Variants in PNMA6E observed in about 807,000 individuals in gnomAD.
PNMA6E encodes the protein PNMA family member 6E, also known as paraneoplastic antigen Ma6E.
For missense variants in PNMA6E, 78 were observed against 50.8 expected, an observed-to-expected ratio of 1.53 and a Z score of -1.63; for synonymous variants, 43 against 17.1, an observed-to-expected ratio of 2.52 and a Z score of -3.74.
At chrX:153,401,148 C>CA (rs2088848984) in intron 1 of PNMA6E, 96 bp downstream of exon 1, 1 of 106,975 alleles carries the variant, frequency 9.3e-6, no homozygotes, top group Non-Finnish European at 1.9e-5. Flanking sequence ...ACCGCCTGCC[C>CA]CCCCCCCACA....
At chrX:153,411,492 T>C in the PNMA6E span, among the ~76,000 whole-genome samples, 4 of 111,226 alleles carry the variant, frequency 3.6e-5, no homozygotes, top group Non-Finnish European at 5.7e-5. Flanking sequence ...GGCCCGCTCG[T>C]CGGCGCACCA....
chrX:153,401,773 T>C (rs1556971411), upstream of PNMA6E, among the ~76,000 whole-genome samples: 1 of 111,573 alleles, frequency 9.0e-6, no homozygotes, highest in East Asian at 2.8e-4. Flanking sequence ...ATTTGGTTTT[T>C]GTTTTGTTTT....
rs145634723 is a variant in PNMA6E at position 153,396,566 on chromosome X, C to T, written c.*340G>A. 0.048 allele frequency: 6,143 copies of T among 127,452 alleles called. 158 individuals are homozygous for T. Among genetic ancestry groups the T allele is most frequent in the Non-Finnish European group, 0.073 (4,608 of 63,385 alleles). The allele number at this position is 127,452 out of a possible 1,213,427, so 10.5% of individuals were successfully genotyped here. ...TCCCCCTGTCTCTCCCAACTCACGG[C>T]CTGGGTTGGGGGCAGACATCTTCAG... On this transcript the variant is annotated 3_prime_UTR_variant, in exon 2 of 2. Transcript: ENST00000445091.
chrX:153,396,653 G>A lies in PNMA6E; in HGVS notation c.*253C>T, dbSNP rs936405229. On this transcript the variant is annotated 3_prime_UTR_variant, in exon 2 of 2. Coordinates refer to ENST00000445091, the MANE Select transcript of PNMA6E (RefSeq NM_001367770.1). ...TCCCTCCAGGCCAGCCCCCCGTGGCGGCAGGGTTTGGGGCTGGGGCTGGGT... is the reference window on the plus strand; with the variant it reads ...TCCCTCCAGGCCAGCCCCCCGTGGCAGCAGGGTTTGGGGCTGGGGCTGGGT... The A allele has an allele frequency of 3.8e-4, 83 of 220,218 alleles. No homozygotes were observed. The highest frequency in any genetic ancestry group is 5.5e-4 in the South Asian group (2 of 3,643). The allele number at this position is 220,218 out of a possible 1,213,427, so 18.1% of individuals were successfully genotyped here. A position where few individuals can be genotyped will look rare whatever the true frequency, so the allele number is the denominator to read the frequency against.
chrX:153,402,934 G>A (rs782130009), upstream of PNMA6E, among the ~76,000 whole-genome samples: 2 of 112,465 alleles, frequency 1.8e-5, no homozygotes, highest in South Asian at 3.7e-4. Context: ...CTTCTTCTTC[G>A]AGTTGCATTT....
rs782667276 is a variant in PNMA6E, at chrX:153,397,567, C to T, written c.1283G>A (p.Arg428His). Residue 428 changes from arginine to histidine, a missense_variant, in exon 2 of 2, where the codon CGC becomes CAC. Transcript: ENST00000445091. ...AGCCCTCTGCAGCAGGCCTTCCAGG[C>T]GCACCACGAAGGCAAACAGCCCCTC... is the stretch of plus-strand genomic sequence containing the variant. ...PQEGLFAFVV[R>H]LEGLLQRAVE... 3.4e-5 allele frequency: 10 copies of T among 298,208 alleles called. No individual in the cohort carries two copies. The highest frequency in any genetic ancestry group is 2.0e-4 in the South Asian group (1 of 5,055). The allele number at this position is 298,208 out of a possible 1,213,427, so 24.6% of individuals were successfully genotyped here.
upstream of PNMA6E, among the ~76,000 whole-genome samples, chrX:153,402,683 C>G (rs782301851): frequency 8.9e-6 from 1 of 112,245 alleles, no homozygotes; most frequent in East Asian, 2.8e-4. Flanking sequence ...TCCTTAAGAT[C>G]GAAAGTCTTT....
At chrX:153,412,867 G>A in the PNMA6E span, among the ~76,000 whole-genome samples, 1 of 112,298 alleles carries the variant, frequency 8.9e-6, no homozygotes, top group Non-Finnish European at 1.9e-5. Context: ...CCCTCAGCGA[G>A]CAGCCTGGGT....
intron 1 of PNMA6E, among the ~76,000 whole-genome samples, chrX:153,399,309 TTGTGTG>T (rs200672716): frequency 0.18 from 18,353 of 103,832 alleles, 1,327 homozygotes; most frequent in East Asian, 0.37. Flanking sequence ...CTCTTGTGTG[TTGTGTG>T]TGTGTGTGTG....
chrX:153,411,460 C>T, the PNMA6E span, among the ~76,000 whole-genome samples: 7 of 112,371 alleles, frequency 6.2e-5, no homozygotes, highest in Admixed American at 3.7e-4. Context: ...ACGCTGCCGC[C>T]GCCCCGGCCC....
chrX:153,398,913 G>A lies in PNMA6E; in HGVS notation c.-64C>T, dbSNP rs782641743. ...ATGTGTGCTGACTGTTGCAGTCTCCGACACAGCCTGTGAGTGCAAAGAGAG... is the reference window on the plus strand; with the variant it reads ...ATGTGTGCTGACTGTTGCAGTCTCCAACACAGCCTGTGAGTGCAAAGAGAG... On this transcript the variant is annotated 5_prime_UTR_variant, in exon 2 of 2. Coordinates refer to ENST00000445091, the MANE Select transcript of PNMA6E (RefSeq NM_001367770.1). The A allele has an allele frequency of 2.0e-4, 59 of 295,893 alleles. No homozygotes were observed. The highest frequency in any genetic ancestry group is 3.1e-4 in the Non-Finnish European group (52 of 170,153). 24.4% of individuals were successfully genotyped at this position (295,893 alleles called of 1,213,427 possible).
upstream of PNMA6E, among the ~76,000 whole-genome samples, chrX:153,401,688 G>A (rs1405010344): frequency 3.6e-5 from 4 of 111,972 alleles, no homozygotes; most frequent in Non-Finnish European, 5.6e-5. Context: ...TTTTTCCACT[G>A]TTTGCTTTCC....
Position 153,396,862 on chromosome X carries a change from G to A in PNMA6E, c.*44C>T. On this transcript the variant is annotated 3_prime_UTR_variant, in exon 2 of 2. Coordinates refer to ENST00000445091, the MANE Select transcript of PNMA6E (RefSeq NM_001367770.1). ...GGCCTGGCCTCTGTCTGCCTCCAAG[G>A]CGCTGCTGCCTGAGAGGAGAGGAGG... is the stretch of plus-strand genomic sequence containing the variant. 3.4e-6 allele frequency: 1 copy of A among 297,981 alleles called. No homozygotes were observed. The highest frequency in any genetic ancestry group is 2.7e-5 in the African/African-American group (1 of 37,197). The allele number at this position is 297,981 out of a possible 1,213,427, so 24.6% of individuals were successfully genotyped here.
At chrX:153,406,098 G>T (rs1341088182), upstream of PNMA6E, among the ~76,000 whole-genome samples, 1 of 112,301 alleles carries the variant, frequency 8.9e-6, no homozygotes, top group South Asian at 3.7e-4. Context: ...TTAGAGGAAA[G>T]ATGAAGTAAG....
chrX:153,409,619 C>T, the PNMA6E span, among the ~76,000 whole-genome samples: 13 of 113,153 alleles, frequency 1.1e-4, no homozygotes, highest in Middle Eastern at 4.2e-3. Flanking sequence ...ACCGCGCTGC[C>T]GCCTCCACCA....
At chrX:153,402,944 T>C (rs2088861053), upstream of PNMA6E, among the ~76,000 whole-genome samples, 1 of 112,856 alleles carries the variant, frequency 8.9e-6, no homozygotes, top group Non-Finnish European at 1.9e-5. Context: ...GAGTTGCATT[T>C]TACTGTTTTC....
At chrX:153,409,649 G>T in the PNMA6E span, among the ~76,000 whole-genome samples, 4 of 112,766 alleles carry the variant, frequency 3.5e-5, no homozygotes, top group African/African-American at 1.3e-4. Flanking sequence ...CCACACACGC[G>T]GTGCCAACAA....
chrX:153,411,420 C>T, the PNMA6E span, among the ~76,000 whole-genome samples: 1 of 103,518 alleles, frequency 9.7e-6, no homozygotes, highest in Non-Finnish European at 2.0e-5. Flanking sequence ...GCGCATGCTC[C>T]ATGCCCCCCC....
the PNMA6E span, among the ~76,000 whole-genome samples, chrX:153,408,930 C>G: frequency 1.8e-5 from 2 of 112,527 alleles, no homozygotes; most frequent in African/African-American, 6.5e-5. Context: ...CCCCCTTTGG[C>G]CTGGCCTTCC....
Sources: gnomAD v4.1 joint callset for allele counts (sites outside exome capture counted in the v4.1 genomes callset) on GRCh38, gnomAD v4.1.1 for gene constraint, MANE v1.5 for transcripts, NCBI Gene and HGNC (gene_info 2026-07-23, HGNC 2026-07-21) for gene names.